The following BICRA variants were observed in gnomAD, a reference collection of about 807,000 sequenced individuals.
BICRA encodes the protein BRD4 interacting chromatin remodeling complex associated protein.
Under a neutral mutation model 96.9 loss-of-function variants are expected in BICRA, and 31 were observed. The ratio of observed to expected loss-of-function variants is 0.32; its 90% CI spans 0.24 to 0.43. BICRA has a LOEUF of 0.43. BICRA is among the 20% of genes least tolerant of loss of function. The pLI is 1.00. For synonymous variants in BICRA, 1,350 were observed against 1,071.8 expected (o/e 1.26, Z -5.07); for missense variants, 2,283 against 2,190.3 (o/e 1.04, Z -0.84).
Position 47,629,000 on chromosome 19 carries a change from CT to C in BICRA, c.-108+19835del, listed in dbSNP as rs1288554684. On this transcript the variant is annotated intron_variant, in intron 1 of 14. Transcript: ENST00000594866. ...GCTTTTTCATCTTGCCCAACTGAAA[CT>C]TTATTTATTTATTTTTTTGAGATGC... Among the ~76,000 whole-genome samples, 6 of 151,682 alleles carry C rather than the reference CT, an allele frequency of 4.0e-5. No homozygotes were observed. In the East Asian group the frequency reaches 1.2e-3, roughly 30 times the overall value.
chr19:47,623,839 T>G (rs1480621513), intron 1 of BICRA, among the ~76,000 whole-genome samples: 1 of 145,100 alleles, frequency 6.9e-6, no homozygotes, highest in African/African-American at 2.6e-5. Flanking sequence ...GTTCTTTCTC[T>G]CTCTCTCTTT....
chr19:47,609,686 G>T (rs540961332), intron 1 of BICRA, among the ~76,000 whole-genome samples: 1 of 151,914 alleles, frequency 6.6e-6, no homozygotes, highest in African/African-American at 2.4e-5. Flanking sequence ...CGGGCAGCGG[G>T]CGGTGATCTC....
At chr19:47,615,212 G>A (rs1971965190) in intron 1 of BICRA, among the ~76,000 whole-genome samples, 1 of 152,206 alleles carries the variant, frequency 6.6e-6, no homozygotes, top group East Asian at 1.9e-4. Flanking sequence ...TTGAAATCCT[G>A]TTCAAGCACT....
At position 47,681,254 on chromosome 19, in the gene BICRA, C is replaced by T; in HGVS notation, c.2084C>T (p.Ser695Phe). 1 of 1,539,636 alleles carries T rather than the reference C, an allele frequency of 6.5e-7. No homozygotes were observed. The highest frequency in any genetic ancestry group is 8.7e-7 in the Non-Finnish European group (1 of 1,148,516). Residue 695 changes from serine (S) to phenylalanine (F), a missense_variant, in exon 6 of 15, where the codon TCC (serine) becomes TTC (phenylalanine). Coordinates refer to ENST00000594866, the MANE Select transcript of BICRA (RefSeq NM_001394372.1). ...ATPTAILTQD[S>F]LQMFLPQERS... ...CCCACGGCCATCCTCACTCAGGACT[C>T]CCTGCAGATGTTCCTGCCCCAGGTA...
At chr19:47,629,321 T>A (rs978313743) in intron 1 of BICRA, among the ~76,000 whole-genome samples, 28 of 152,210 alleles carry the variant, frequency 1.8e-4, no homozygotes, top group African/African-American at 5.3e-4. Context: ...AAACTTTATA[T>A]GCATTCAACA....
At chr19:47,678,495 C>T (rs943806132) in intron 5 of BICRA, among the ~76,000 whole-genome samples, 8 of 152,178 alleles carry the variant, frequency 5.3e-5, no homozygotes, top group South Asian at 4.2e-4. Context: ...TGGGCATGGG[C>T]GTGCGATGCA....
At chr19:47,674,962 G>A (rs1972919541) in intron 4 of BICRA, among the ~76,000 whole-genome samples, 1 of 152,212 alleles carries the variant, frequency 6.6e-6, no homozygotes, top group East Asian at 1.9e-4. Context: ...GAAAGGAGAG[G>A]TTTCAAATAA....
chr19:47,631,039 A>T (rs1972214637), intron 1 of BICRA, among the ~76,000 whole-genome samples: 1 of 152,172 alleles, frequency 6.6e-6, no homozygotes, highest in Non-Finnish European at 1.5e-5. Context: ...CATAGTGGAA[A>T]GCACAAGTTT....
At chr19:47,673,803 G>A (rs554263925) in intron 4 of BICRA, 41 bp downstream of exon 4, 75 of 1,545,492 alleles carry the variant, frequency 4.9e-5, no homozygotes, top group Admixed American at 6.7e-5. Context: ...TGAGTGGGGG[G>A]CTGTCTAATT....
chr19:47,685,762 TGTGTGTGTGTGTGTGTGTGTGTGTGC>T (rs1004503435), intron 7 of BICRA, among the ~76,000 whole-genome samples: 37 of 129,972 alleles, frequency 2.8e-4, no homozygotes, highest in Non-Finnish European at 2.9e-4. Context: ...TGTGTGTGTG[TGTGTGTGTGTGTGTGTGTGTGTGTGC>T]GCGCGCGCGC....
intron 7 of BICRA, among the ~76,000 whole-genome samples, chr19:47,687,625 A>G (rs998547352): frequency 6.6e-6 from 1 of 152,034 alleles, no homozygotes; most frequent in Non-Finnish European, 1.5e-5. Context: ...GGGAAACCCC[A>G]TCTCTACTAA....
At chr19:47,658,308 C>T (rs1267446482) in intron 1 of BICRA, among the ~76,000 whole-genome samples, 1 of 152,084 alleles carries the variant, frequency 6.6e-6, no homozygotes, top group African/African-American at 2.4e-5. Context: ...GGTGGGACCA[C>T]TTGGTCAGGG....
intron 1 of BICRA, among the ~76,000 whole-genome samples, chr19:47,612,448 G>A (rs900591126): frequency 6.6e-6 from 1 of 151,972 alleles, no homozygotes; most frequent in African/African-American, 2.4e-5. Context: ...AAAATGTAAA[G>A]GTGAGTGGCA....
chr19:47,682,032 G>A lies in BICRA; in HGVS notation c.2163G>A (p.Ser721=), dbSNP rs751457604. 25 of 1,568,530 alleles carry A rather than the reference G, an allele frequency of 1.6e-5. No individual in the cohort carries two copies. The highest frequency in any genetic ancestry group is 1.8e-4 in the Middle Eastern group (1 of 5,702). ...GCCCCCACCTCTCCGTGCCTGCCTC[G>A]GTCATAGTCAGCGCCCCGCCTCCCG... ...AEGPHLSVPA[S]VIVSAPPPAQ... Residue 721 remains serine (S), a synonymous_variant, in exon 7 of 15, where the codon TCG becomes TCA. Transcript: ENST00000594866.
intron 7 of BICRA, among the ~76,000 whole-genome samples, chr19:47,688,694 CAGG>C (rs1472264228): frequency 3.3e-5 from 5 of 152,010 alleles, no homozygotes; most frequent in Admixed American, 3.3e-4. Context: ...GAGGCTGAGG[CAGG>C]AGAATTGCTT....
intron 11 of BICRA, among the ~76,000 whole-genome samples, chr19:47,697,490 T>G (rs1401316657): frequency 2.6e-5 from 4 of 151,798 alleles, no homozygotes; most frequent in Non-Finnish European, 5.9e-5. Context: ...TTTTGTTTTG[T>G]TTTTGGAGAC....
chr19:47,695,772 C>T (rs112225633), intron 10 of BICRA, among the ~76,000 whole-genome samples: 46 of 151,772 alleles, frequency 3.0e-4, no homozygotes, highest in African/African-American at 1.1e-3. Flanking sequence ...GGACACAGGA[C>T]GGGAAGGACA....
rs369392055 is a variant in BICRA, at chr19:47,680,643, C to T, written c.1473C>T (p.Ala491=). The part of the protein sequence containing the change: ...QLPQQLSALP[A]NVGGQILAAA... ...CGCAGCAGCTCTCAGCCCTGCCGGCCAACGTGGGCGGGCAGATCCTGGCGG... is the reference window on the plus strand; with the variant it reads ...CGCAGCAGCTCTCAGCCCTGCCGGCTAACGTGGGCGGGCAGATCCTGGCGG... The change falls in exon 6 of 15, where the codon GCC becomes GCT. Residue 491 remains alanine (A), a synonymous_variant. Transcript: ENST00000594866. 9 of 1,609,406 alleles carry T rather than the reference C, an allele frequency of 5.6e-6. No homozygotes were observed. In the African/African-American group the frequency reaches 9.4e-5, roughly 17 times the overall value.
intron 1 of BICRA, among the ~76,000 whole-genome samples, chr19:47,668,476 T>A (rs1380200609): frequency 2.1e-5 from 3 of 144,880 alleles, no homozygotes; most frequent in Non-Finnish European, 4.5e-5. Context: ...ATTTTTCACA[T>A]CTTTGTGAGT....
Sources: gnomAD v4.1 joint callset for allele counts (sites outside exome capture counted in the v4.1 genomes callset) on GRCh38, gnomAD v4.1.1 for gene constraint, MANE v1.5 for transcripts, NCBI Gene and HGNC (gene_info 2026-07-23, HGNC 2026-07-21) for gene names.